The following KRT18 variants were observed in gnomAD, a reference collection of about 807,000 sequenced individuals.
The protein encoded by KRT18 is keratin 18.
KRT18 carries 8 observed loss-of-function variants against 39.9 expected under a neutral mutation model. That is an observed-to-expected ratio of 0.20 (90% CI 0.12 to 0.36). The LOEUF (loss-of-function observed/expected upper bound fraction) is 0.36, where lower values mean the gene tolerates loss of function less well. KRT18 is among the 10% of genes least tolerant of loss of function. The probability of loss-of-function intolerance (pLI) is 1.00; values close to 1 mark genes in which losing one functional copy is unlikely to be tolerated. For synonymous variants in KRT18, 194 were observed against 227.8 expected, an observed-to-expected ratio of 0.85 and a Z score of 1.33; for missense variants, 396 against 565.7, an observed-to-expected ratio of 0.70 and a Z score of 3.04.
intron 3 of KRT18, among the ~76,000 whole-genome samples, chr12:52,951,212 T>C (rs1349679269): frequency 1.3e-5 from 2 of 152,106 alleles, no homozygotes; most frequent in Non-Finnish European, 1.5e-5. Flanking sequence ...TGGCAGCGCT[T>C]CCTAAAAGAT....
intron 6 of KRT18, 179 bp from the exon 7 acceptor site, chr12:52,952,543 C>A: frequency 3.8e-6 from 3 of 797,686 alleles, no homozygotes; most frequent in Admixed American, 2.0e-5. Context: ...TAAGTATTGT[C>A]CCTAGCTGTA....
In KRT18 at chr12:52,952,864, T is replaced by C. The variant is rs756285868; in HGVS notation, c.*22T>C. On this transcript the variant is annotated 3_prime_UTR_variant, in exon 7 of 7. Transcript: ENST00000388835. ...TTAAGCCAGCAGAAGCAGGGTACCCTTTGGGGAGCAGGAGGCCAATAAAAA... is the reference window on the plus strand; with the variant it reads ...TTAAGCCAGCAGAAGCAGGGTACCCCTTGGGGAGCAGGAGGCCAATAAAAA... 3.1e-6 allele frequency: 5 copies of C among 1,601,240 alleles called. No homozygotes were observed. The highest frequency in any genetic ancestry group is 1.3e-5 in the African/African-American group (1 of 74,860).
Position 52,950,171 on chromosome 12 carries a change from T to TG in KRT18, c.418-153dup, listed in dbSNP as rs891142899. ...GAATCCAGGAAAGGAGGGAATGGGG[T>TG]GGGGCTAGATGAAAAGGGATAGGTG... On this transcript the variant is annotated intron_variant, in intron 1 of 6. Transcript: ENST00000388835. The TG allele has an allele frequency of 1.3e-5, 10 of 742,168 alleles. No individual in the cohort carries two copies. The African/African-American group carries it at 1.5e-4, about 11-fold the overall frequency. 46.0% of individuals were successfully genotyped at this position (742,168 alleles called of 1,614,324 possible).
Position 52,952,336 on chromosome 12 carries a change from A to G in KRT18, c.1166A>G (p.Asp389Gly). Residue 389 changes from aspartate to glycine, a missense_variant, in exon 6 of 7, where the codon GAC (aspartate) becomes GGC (glycine). Coordinates refer to ENST00000388835, the MANE Select transcript of KRT18 (RefSeq NM_000224.3). ...TYRRLLEDGE[D>G]FNLGDALDSS... ...CGCCGCCTGCTGGAAGATGGCGAGG[A>G]CTTTAAGTGAGTGGGGCTCTCCTAC... 1 of 1,591,876 alleles carries G rather than the reference A, an allele frequency of 6.3e-7. No homozygotes were observed. The highest frequency in any genetic ancestry group is 8.6e-7 in the Non-Finnish European group (1 of 1,167,120).
intron 1 of KRT18, chr12:52,949,816 G>A: frequency 1.4e-6 from 1 of 705,684 alleles, no homozygotes; most frequent in Non-Finnish European, 2.6e-6. Context: ...ACAGGGTTGA[G>A]AGCTTTACAG....
At position 52,952,703 on chromosome 12, in the gene KRT18, G is replaced by T. The variant is rs1942512607; in HGVS notation, c.1173-19G>T. The T allele has an allele frequency of 6.2e-7, 1 of 1,612,108 alleles. No homozygotes were observed. The highest frequency in any genetic ancestry group is 1.1e-5 in the South Asian group (1 of 90,992). ...CTCCACGGGGCTGTTTATAACTTGG[G>T]CTTGGTCTTCTGTTACAGTCTTGGT... On this transcript the variant is annotated intron_variant, in intron 6 of 6. Transcript: ENST00000388835.
In KRT18 at chr12:52,951,832, C is replaced by A. The variant is rs149270992; in HGVS notation, c.924C>A (p.Ile308=). 6.2e-7 allele frequency: 1 copy of A among 1,607,696 alleles called. No homozygotes were observed. ...ELRRTVQSLE[I]DLDSMRNLKA... ...GACGTACAGTCCAGTCCTTGGAGAT[C>A]GACCTGGACTCCATGAGAAATCTGG... The change falls in exon 5 of 7, where the codon ATC becomes ATA. Residue 308 remains isoleucine (I), a synonymous_variant. Coordinates refer to ENST00000388835, the MANE Select transcript of KRT18 (RefSeq NM_000224.3).
At chr12:52,949,039 G>A (rs1385961137), upstream of KRT18, 15 of 834,568 alleles carry the variant, frequency 1.8e-5, no homozygotes, top group Non-Finnish European at 2.8e-5. Flanking sequence ...TCCACCTGTG[G>A]CTCCGGCTTC....
rs1324395776 is a variant in KRT18, at chr12:52,950,436, G to GGGTCC, written c.500+27_500+31dup. On this transcript the variant is annotated intron_variant, in intron 2 of 6. Coordinates refer to ENST00000388835, the MANE Select transcript of KRT18 (RefSeq NM_000224.3). ...GTAAGTTTGGGGGCTAGAGAGCTGG[G>GGGTCC]GGTCCAGGGGTGGAGCTAAGAAGGA... The GGGTCC allele has an allele frequency of 2.6e-6, 4 of 1,530,074 alleles. No individual in the cohort carries two copies. In the East Asian group the frequency reaches 9.0e-5, roughly 34 times the overall value. 94.8% of individuals were successfully genotyped at this position (1,530,074 alleles called of 1,614,324 possible).
At chr12:52,951,358 G>GC in intron 3 of KRT18, 123 bp from the exon 4 acceptor site, 1 of 1,015,974 alleles carries the variant, frequency 9.8e-7, no homozygotes, top group South Asian at 1.3e-5. Context: ...CTGAGTGCAA[G>GC]CCAAGGGGTT....
At chr12:52,950,568 A>G (rs979608879) in intron 2 of KRT18, 158 bp downstream of exon 2, 3 of 821,568 alleles carry the variant, frequency 3.7e-6, no homozygotes, top group Non-Finnish European at 6.4e-6. Flanking sequence ...GTTCATTTGT[A>G]TAACCCCGTT....
chr12:52,950,323 T>G lies in KRT18; in HGVS notation c.418-5T>G. 1 of 1,590,962 alleles carries G rather than the reference T, an allele frequency of 6.3e-7. No homozygotes were observed. The highest frequency in any genetic ancestry group is 8.6e-7 in the Non-Finnish European group (1 of 1,159,466). The stretch of plus-strand genomic sequence containing the variant: ...TGGAACAACCTCTCTCTACAATCCC[T>G]CCAGATCTTCGCAAATACTGTGGAC... On this transcript the variant is annotated splice_region_variant and splice_polypyrimidine_tract_variant and intron_variant, in intron 1 of 6. Transcript: ENST00000388835.
At chr12:52,949,023 G>A (rs905598458), upstream of KRT18, 5 of 700,084 alleles carry the variant, frequency 7.1e-6, no homozygotes, top group Non-Finnish European at 1.2e-5. Flanking sequence ...CGCGGGCTCC[G>A]AGCCGTCCAC....
chr12:52,952,271 G>A lies in KRT18; in HGVS notation c.1101G>A (p.Leu367=). The change falls in exon 6 of 7, where the codon CTG becomes CTA. Residue 367 remains leucine (L), a synonymous_variant. Coordinates refer to ENST00000388835, the MANE Select transcript of KRT18 (RefSeq NM_000224.3). ...AGGCCCAGGAGTATGAGGCCCTGCT[G>A]AACATCAAGGTCAAGCTGGAGGCTG... ...QRQAQEYEAL[L]NIKVKLEAEI... 1.2e-6 allele frequency: 2 copies of A among 1,608,342 alleles called. No homozygotes were observed. The highest frequency in any genetic ancestry group is 2.7e-5 in the African/African-American group (2 of 75,012).
intron 1 of KRT18, chr12:52,949,921 G>A (rs920151574): frequency 1.2e-5 from 8 of 650,926 alleles, no homozygotes; most frequent in East Asian, 2.7e-5. Flanking sequence ...GGGTTAAGCG[G>A]ATGTGGCTAA....
In KRT18 at chr12:52,952,778, C is replaced by G. The variant is rs780366176; in HGVS notation, c.1229C>G (p.Thr410Ser). ...NSMQTIQKTTTRRIVDGKVVS... is the reference protein window; with the variant it reads ...NSMQTIQKTTSRRIVDGKVVS... ...ATGCAAACCATCCAAAAGACCACCA[C>G]CCGCCGGATAGTGGATGGCAAAGTG... The change falls in exon 7 of 7, where the codon ACC becomes AGC. Residue 410 changes from threonine to serine, a missense_variant. Transcript: ENST00000388835. 5 of 1,611,906 alleles carry G rather than the reference C, an allele frequency of 3.1e-6. No individual in the cohort carries two copies. In the African/African-American group the frequency reaches 6.7e-5, roughly 22 times the overall value.
intron 6 of KRT18, 148 bp downstream of exon 6, chr12:52,952,490 G>A: frequency 1.3e-6 from 1 of 756,176 alleles, no homozygotes; most frequent in Non-Finnish European, 2.3e-6. Context: ...GTGTCTTCAA[G>A]GGAGTAACAG....
Position 52,950,733 on chromosome 12 carries a change from C to A in KRT18, c.501-17C>A, listed in dbSNP as rs201927937. ...GATCAGAGATAGGGGCCCCTCTGAT[C>A]ACCTCCACTCCTATAGGTATGAGAC... On this transcript the variant is annotated splice_polypyrimidine_tract_variant and intron_variant, in intron 2 of 6. Transcript: ENST00000388835. The A allele has an allele frequency of 1.9e-6, 3 of 1,607,258 alleles. No homozygotes were observed. The highest frequency in any genetic ancestry group is 1.1e-5 in the South Asian group (1 of 90,038).
chr12:52,950,530 C>A, intron 2 of KRT18, 120 bp downstream of exon 2: 1 of 845,492 alleles, frequency 1.2e-6, no homozygotes, highest in South Asian at 1.3e-5. Context: ...GGATGAGAGT[C>A]AGGGTCCATC....
Sources: gnomAD v4.1 joint callset for allele counts (sites outside exome capture counted in the v4.1 genomes callset) on GRCh38, gnomAD v4.1.1 for gene constraint, MANE v1.5 for transcripts, NCBI Gene and HGNC (gene_info 2026-07-23, HGNC 2026-07-21) for gene names.